The following LRBA variants were observed in gnomAD, a reference collection of about 807,000 sequenced individuals.
LRBA encodes the protein LPS responsive beige-like anchor protein, also known as lipopolysaccharide-responsive and beige-like anchor protein.
A neutral mutation model predicts 330.0 loss-of-function variants in LRBA; 176 were observed. The observed-to-expected ratio is 0.53, with a 90% CI of 0.47 to 0.60. The LOEUF (loss-of-function observed/expected upper bound fraction) is 0.60. Among genes scored for constraint, LRBA ranks in the 20% least tolerant of loss-of-function variants. LRBA has a pLI of 0.00. For synonymous variants in LRBA, 1,230 were observed against 1,193.0 expected (o/e 1.03, Z -0.64); for missense variants, 3,259 against 3,444.8 (o/e 0.95, Z 1.35).
rs761565399 is a variant in LRBA, at chr4:150,844,182, C to T, written c.4487G>A (p.Gly1496Asp). Reference protein sequence around the residue: ...AKSPVDIVTGGISPVRDLDRL... With the variant: ...AKSPVDIVTGDISPVRDLDRL... ...GTCAAGATCTCTTACTGGAGATATACCGCCAGTCACAATGTCCACTGGGCT... is the reference window on the plus strand; with the variant it reads ...GTCAAGATCTCTTACTGGAGATATATCGCCAGTCACAATGTCCACTGGGCT... The change falls in exon 28 of 57, where the codon GGT becomes GAT. Residue 1496 changes from glycine to aspartate, a missense_variant. Coordinates refer to ENST00000651943, the MANE Select transcript of LRBA (RefSeq NM_001364905.1). The T allele has an allele frequency of 6.2e-7, 1 of 1,606,566 alleles. No homozygotes were observed. The highest frequency in any genetic ancestry group is 8.5e-7 in the Non-Finnish European group (1 of 1,174,352).
chr4:150,375,698 C>T (rs1448390073), intron 47 of LRBA, among the ~76,000 whole-genome samples: 1 of 151,760 alleles, frequency 6.6e-6, no homozygotes, highest in Non-Finnish European at 1.5e-5. Context: ...TCGTGATCCG[C>T]TTTGGCCTCA....
In LRBA at chr4:150,800,799, T is replaced by A. The variant is rs561881979; in HGVS notation, c.5519-2657A>T. 3.3e-5 allele frequency among the ~76,000 whole-genome samples: 5 copies of A among 152,304 alleles called. No homozygotes were observed. In the South Asian group the frequency reaches 8.3e-4, roughly 25 times the overall value. ...AGAATAATAGGGTTTGGTTTGATTA[T>A]TTTTTGGTTGGCTTTTCAAAGGTAG... On this transcript the variant is annotated intron_variant, in intron 33 of 56. Transcript: ENST00000651943.
chr4:150,768,879 A>T (rs561612144), intron 34 of LRBA, among the ~76,000 whole-genome samples: 39 of 150,628 alleles, frequency 2.6e-4, no homozygotes, highest in Non-Finnish European at 5.0e-4. Flanking sequence ...AAATTTTTTT[A>T]AATTTCATCT....
chr4:150,469,589 C>T (rs944737493), intron 43 of LRBA, among the ~76,000 whole-genome samples: 3 of 152,158 alleles, frequency 2.0e-5, no homozygotes, highest in Admixed American at 1.3e-4. Flanking sequence ...ATAATTTCTA[C>T]TAAATTCAAC....
chr4:150,570,787 C>T (rs180844306), intron 40 of LRBA, among the ~76,000 whole-genome samples: 5 of 152,180 alleles, frequency 3.3e-5, no homozygotes, highest in Non-Finnish European at 5.9e-5. Context: ...ATTAACATTC[C>T]TTGGTTTCGT....
At chr4:150,517,218 T>C (rs1410315752) in intron 40 of LRBA, among the ~76,000 whole-genome samples, 1 of 152,028 alleles carries the variant, frequency 6.6e-6, no homozygotes, top group Non-Finnish European at 1.5e-5. Context: ...ACGTACTAGG[T>C]TGCAAATATA....
chr4:150,626,682 A>T (rs1287952316), intron 37 of LRBA, among the ~76,000 whole-genome samples: 1 of 152,158 alleles, frequency 6.6e-6, no homozygotes, highest in Non-Finnish European at 1.5e-5. Flanking sequence ...TATGTAAAGA[A>T]GTATTCATTT....
At chr4:150,908,597 T>C in intron 10 of LRBA, 63 bp downstream of exon 10, 3 of 1,476,108 alleles carry the variant, frequency 2.0e-6, no homozygotes, top group Non-Finnish European at 2.8e-6. Context: ...AGCTACCAAA[T>C]ACATCTCAAT....
intron 36 of LRBA, among the ~76,000 whole-genome samples, chr4:150,695,607 T>C (rs1024820055): frequency 2.1e-4 from 32 of 152,258 alleles, no homozygotes; most frequent in African/African-American, 7.2e-4. Context: ...TGTGAGCCAC[T>C]GCACCAGGCC....
chr4:150,913,236 G>C lies in LRBA; in HGVS notation c.1161+959C>G, dbSNP rs559555826. 4.2e-3 allele frequency among the ~76,000 whole-genome samples: 639 copies of C among 152,316 alleles called. 1 individual carries two copies. Among genetic ancestry groups the C allele is most frequent in the African/African-American group, 0.014 (598 of 41,570 alleles). ...TAATCCCAGCACTTTGGGAAGCCGA[G>C]GCGGGCGGATCACCTGAGGTCAGGA... On this transcript the variant is annotated intron_variant, in intron 9 of 56. Coordinates refer to ENST00000651943, the MANE Select transcript of LRBA (RefSeq NM_001364905.1).
rs188321395 is a variant in LRBA, at chr4:150,325,931, G to C, written c.7363-33C>G. ...GGGCAGGGGCAAGTCTGAAGGTTAA[G>C]AGGTGCTAATTACAGGAAATAGAAC... is the stretch of plus-strand genomic sequence containing the variant. On this transcript the variant is annotated intron_variant, in intron 48 of 56. Coordinates refer to ENST00000651943, the MANE Select transcript of LRBA (RefSeq NM_001364905.1). The C allele has an allele frequency of 4.9e-6, 6 of 1,227,920 alleles. No individual in the cohort carries two copies. The African/African-American group carries it at 8.9e-5, about 18-fold the overall frequency. 76.1% of individuals were successfully genotyped at this position (1,227,920 alleles called of 1,614,324 possible). A position where few individuals can be genotyped will look rare whatever the true frequency, so the allele number is the denominator to read the frequency against.
chr4:150,516,222 T>A (rs1188826733), intron 40 of LRBA, among the ~76,000 whole-genome samples: 2 of 96,312 alleles, frequency 2.1e-5, no homozygotes, highest in Non-Finnish European at 4.7e-5. Context: ...ATTCTCTTTT[T>A]TTTTTTTTTT....
At chr4:150,823,586 A>ATAGT (rs1745785481) in intron 30 of LRBA, among the ~76,000 whole-genome samples, 1 of 151,998 alleles carries the variant, frequency 6.6e-6, no homozygotes, top group South Asian at 2.1e-4. Flanking sequence ...CAGTAGTTTC[A>ATAGT]TAGTTTCAGG....
chr4:150,603,641 A>C (rs1774338787), intron 37 of LRBA, among the ~76,000 whole-genome samples: 1 of 152,074 alleles, frequency 6.6e-6, no homozygotes, highest in African/African-American at 2.4e-5. Flanking sequence ...CATCCTCCCC[A>C]GTACAAAAAT....
intron 22 of LRBA, among the ~76,000 whole-genome samples, chr4:150,855,388 T>A (rs756668816): frequency 6.6e-6 from 1 of 152,244 alleles, no homozygotes; most frequent in Non-Finnish European, 1.5e-5. Flanking sequence ...CACAGTCATT[T>A]TGAAAATAGG....
intron 38 of LRBA, among the ~76,000 whole-genome samples, chr4:150,596,049 T>C (rs1773451339): frequency 6.6e-6 from 1 of 152,008 alleles, no homozygotes. Flanking sequence ...TTTTAAAATA[T>C]GACTCAGTTT....
Position 150,867,674 on chromosome 4 carries a change from T to C in LRBA, c.2763A>G (p.Ser921=). ...VWVDTLSITH[S]KVTFEIHKEN... is the part of the protein sequence containing the mutation. ...ACGCTTTCATAAAGAAACTTACCTT[T>C]GAATGAGTGATTGATAAAGTGTCTA... The change falls in exon 22 of 57, where the codon TCA becomes TCG. Residue 921 remains serine, a synonymous_variant. Transcript: ENST00000651943. 1 of 1,601,664 alleles carries C rather than the reference T, an allele frequency of 6.2e-7. No homozygotes were observed. The highest frequency in any genetic ancestry group is 1.3e-5 in the African/African-American group (1 of 74,334).
intron 35 of LRBA, among the ~76,000 whole-genome samples, chr4:150,736,359 T>C (rs1731178452): frequency 6.6e-6 from 1 of 152,002 alleles, no homozygotes; most frequent in Non-Finnish European, 1.5e-5. Context: ...CTGGCTCACA[T>C]CTGGACATTG....
rs1752898410 is a variant in LRBA, at chr4:150,867,670, C to T, written c.2766+1G>A. 6.3e-7 allele frequency: 1 copy of T among 1,596,462 alleles called. No homozygotes were observed. Among genetic ancestry groups the T allele is most frequent in the Non-Finnish European group, 8.5e-7 (1 of 1,173,548 alleles). ...CAATACGCTTTCATAAAGAAACTTA[C>T]CTTTGAATGAGTGATTGATAAAGTG... On this transcript the variant is annotated splice_donor_variant, in intron 22 of 56. Transcript: ENST00000651943. LOFTEE classifies it high-confidence loss of function.
Sources: gnomAD v4.1 joint callset for allele counts (sites outside exome capture counted in the v4.1 genomes callset) on GRCh38, gnomAD v4.1.1 for gene constraint, MANE v1.5 for transcripts, NCBI Gene and HGNC (gene_info 2026-07-23, HGNC 2026-07-21) for gene names.